Variants in UBE3C observed in about 807,000 individuals in gnomAD.
UBE3C encodes ubiquitin protein ligase E3C, also known as ubiquitin-protein ligase E3C.
A neutral mutation model predicts 129.4 loss-of-function variants in UBE3C; 42 were observed. That is an observed-to-expected ratio of 0.32 (90% CI 0.25 to 0.42). The LOEUF is 0.42. Among genes scored for constraint, UBE3C ranks in the 10% least tolerant of loss-of-function variants. The probability of loss-of-function intolerance (pLI) is 1.00; values close to 1 mark genes in which losing one functional copy is unlikely to be tolerated. For synonymous variants in UBE3C, 510 were observed against 492.4 expected, an observed-to-expected ratio of 1.04 and a Z score of -0.47; for missense variants, 1,049 against 1,319.1, an observed-to-expected ratio of 0.80 and a Z score of 3.17.
At chr7:157,238,979 C>T (rs1381039888) in intron 18 of UBE3C, among the ~76,000 whole-genome samples, 1 of 152,114 alleles carries the variant, frequency 6.6e-6, no homozygotes, top group East Asian at 1.9e-4. Context: ...TGAGAAGTGG[C>T]CATGTCATTT....
At chr7:157,222,311 GAGA>G (rs1795758637) in intron 15 of UBE3C, 1 of 152,140 alleles carries the variant, frequency 6.6e-6, no homozygotes, top group Non-Finnish European at 1.5e-5. Flanking sequence ...TTTCAAGGAG[GAGA>G]AGTTTTAAAT....
chr7:157,223,489 A>G, intron 16 of UBE3C, 138 bp downstream of exon 16: 1 of 670,578 alleles, frequency 1.5e-6, no homozygotes, highest in Non-Finnish European at 2.4e-6. Context: ...AGGCTGAAAT[A>G]GCTAAGAATG....
chr7:157,229,876 G>C (rs1317719124), intron 17 of UBE3C, among the ~76,000 whole-genome samples: 1 of 152,148 alleles, frequency 6.6e-6, no homozygotes, highest in African/African-American at 2.4e-5. Context: ...GCTTCCCAAA[G>C]TGCTGGGATT....
intron 11 of UBE3C, among the ~76,000 whole-genome samples, chr7:157,203,217 T>C (rs1809339410): frequency 6.6e-6 from 1 of 152,036 alleles, no homozygotes; most frequent in African/African-American, 2.4e-5. Context: ...GAATCTTAAG[T>C]GAGGAAAGGG....
In UBE3C at chr7:157,182,037, G is replaced by T; in HGVS notation, c.771-71G>T. The T allele has an allele frequency of 2.1e-6, 3 of 1,408,792 alleles. No homozygotes were observed. In the South Asian group the frequency reaches 4.4e-5, roughly 21 times the overall value. 87.3% of individuals were successfully genotyped at this position (1,408,792 alleles called of 1,614,324 possible). A position where few individuals can be genotyped will look rare whatever the true frequency, so the allele number is the denominator to read the frequency against. ...TCCTTTTAGAAGGATATTTTGAAAG[G>T]TGATTTTAATCAGTGATTGGATGGA... On this transcript the variant is annotated intron_variant, in intron 7 of 22. Coordinates refer to ENST00000348165, the MANE Select transcript of UBE3C (RefSeq NM_014671.3).
chr7:157,173,570 TACG>T (rs1162916827), intron 4 of UBE3C, among the ~76,000 whole-genome samples: 1 of 152,230 alleles, frequency 6.6e-6, no homozygotes, highest in Non-Finnish European at 1.5e-5. Flanking sequence ...AAATTTTTCT[TACG>T]ACTTTAAGTC....
At chr7:157,181,847 A>G (rs967494249) in intron 7 of UBE3C, among the ~76,000 whole-genome samples, 176 bp downstream of exon 7, 21 of 152,224 alleles carry the variant, frequency 1.4e-4, no homozygotes, top group African/African-American at 4.1e-4. Flanking sequence ...GCCTAATACA[A>G]ATTTGTGATT....
At chr7:157,225,754 G>T (rs116350853) in intron 17 of UBE3C, among the ~76,000 whole-genome samples, 176 of 152,270 alleles carry the variant, frequency 1.2e-3, no homozygotes, top group African/African-American at 3.8e-3. Flanking sequence ...TTAGAGGCCA[G>T]CCTGGGCAAC....
intron 10 of UBE3C, among the ~76,000 whole-genome samples, chr7:157,199,941 A>G (rs890749598): frequency 6.6e-6 from 1 of 152,138 alleles, no homozygotes; most frequent in Non-Finnish European, 1.5e-5. Flanking sequence ...AATATTAAAT[A>G]ATATTTGTTG....
intron 19 of UBE3C, among the ~76,000 whole-genome samples, chr7:157,249,332 TG>T (rs1796562423): frequency 6.6e-6 from 1 of 151,900 alleles, no homozygotes; most frequent in South Asian, 2.1e-4. Flanking sequence ...TTTTTTTTTT[TG>T]AGATGGAGTT....
chr7:157,172,793 G>A (rs1335334484), intron 4 of UBE3C, among the ~76,000 whole-genome samples: 2 of 152,182 alleles, frequency 1.3e-5, no homozygotes, highest in African/African-American at 2.4e-5. Flanking sequence ...CTCTAATCTT[G>A]TAGATTACAA....
intron 10 of UBE3C, among the ~76,000 whole-genome samples, chr7:157,194,785 GA>G (rs995674601): frequency 3.5e-4 from 54 of 152,204 alleles, no homozygotes; most frequent in African/African-American, 1.2e-3. Context: ...AAGCTAAGCT[GA>G]ATTGTGTCCT....
chr7:157,175,004 A>G lies in UBE3C; in HGVS notation c.428A>G (p.Gln143Arg). Residue 143 changes from glutamine (Q) to arginine (R), a missense_variant, in exon 5 of 23, where the codon CAG (glutamine) becomes CGG (arginine). Gln to Arg is a conservative substitution (Grantham distance 43). Around this residue, in one of 4 missense-constraint regions of UBE3C, gnomAD observed 489 missense variants for 513.8 expected, o/e 0.95. Transcript: ENST00000348165. ...DGSERLTCLF[Q>R]IKRLMSLCCR... ...TCTGAGAGACTTACATGCTTATTTC[A>G]GATAAAAAGATTGATGAGCCTCTGT... The G allele has an allele frequency of 1.2e-6, 2 of 1,612,144 alleles. No individual in the cohort carries two copies. Among genetic ancestry groups the G allele is most frequent in the South Asian group, 2.2e-5 (2 of 90,524 alleles).
In UBE3C at chr7:157,207,862, T is replaced by C. The variant is rs1475583636; in HGVS notation, c.1736T>C (p.Ile579Thr). ...REEYITAFQSIGVTTSSEMQQ... is the reference protein window; with the variant it reads ...REEYITAFQSTGVTTSSEMQQ... ...GAATATATTACAGCATTTCAGAGTA[T>C]TGGAGTTACTACTAGCTCTGAAATG... The change falls in exon 13 of 23, where the codon ATT becomes ACT. Residue 579 changes from isoleucine (I) to threonine (T), a missense_variant. Ile to Thr is a moderately conservative substitution (Grantham distance 89). This residue lies in a region of UBE3C where 314 missense variants were observed against 416.9 expected (regional missense o/e 0.75). Transcript: ENST00000348165. The C allele has an allele frequency of 1.9e-6, 3 of 1,613,702 alleles. No homozygotes were observed. Among genetic ancestry groups the C allele is most frequent in the South Asian group, 1.1e-5 (1 of 90,990 alleles).
intron 13 of UBE3C, among the ~76,000 whole-genome samples, chr7:157,213,050 G>A (rs1809641884): frequency 6.6e-6 from 1 of 152,132 alleles, no homozygotes; most frequent in Non-Finnish European, 1.5e-5. Context: ...GAGCCACCAC[G>A]CCCGGCAGTG....
At chr7:157,194,536 C>G (rs1265402788) in intron 10 of UBE3C, among the ~76,000 whole-genome samples, 1 of 152,006 alleles carries the variant, frequency 6.6e-6, no homozygotes, top group Non-Finnish European at 1.5e-5. Context: ...GGCAGTAGGT[C>G]GAGGCTGGAA....
At chr7:157,233,709 T>C (rs1462798289) in intron 18 of UBE3C, among the ~76,000 whole-genome samples, 3 of 152,366 alleles carry the variant, frequency 2.0e-5, no homozygotes, top group African/African-American at 4.8e-5. Flanking sequence ...CAAGCTGTTA[T>C]TTGGACATAG....
intron 22 of UBE3C, among the ~76,000 whole-genome samples, chr7:157,261,132 G>A (rs1160581036): frequency 1.3e-5 from 2 of 151,360 alleles, no homozygotes; most frequent in African/African-American, 4.9e-5. Context: ...ATGAAACCCC[G>A]CCTCTACTAA....
At chr7:157,144,258 A>G (rs1807539624) in intron 1 of UBE3C, among the ~76,000 whole-genome samples, 1 of 152,178 alleles carries the variant, frequency 6.6e-6, no homozygotes, top group Admixed American at 6.5e-5. Flanking sequence ...ATCATGCCAT[A>G]GCACTCCAGC....
Sources: gnomAD v4.1 joint callset for allele counts (sites outside exome capture counted in the v4.1 genomes callset) on GRCh38, gnomAD v4.1.1 for gene constraint, gnomAD v4.1.1 regional missense constraint, MANE v1.5 for transcripts, NCBI Gene and HGNC (gene_info 2026-07-23, HGNC 2026-07-21) for gene names.